The following ERBB4 variants were observed in gnomAD, a reference collection of about 807,000 sequenced individuals.
ERBB4 encodes the protein erb-b2 receptor tyrosine kinase 4, also known as receptor tyrosine-protein kinase erbB-4.
ERBB4 carries 42 observed loss-of-function variants against 158.0 expected under a neutral mutation model. The ratio of observed to expected loss-of-function variants is 0.27; its 90% CI spans 0.21 to 0.34. ERBB4 has a LOEUF of 0.34. Ranked by LOEUF, ERBB4 falls within the 10% of genes least tolerant of loss-of-function variation. ERBB4 has a pLI of 1.00. For synonymous variants in ERBB4, 583 were observed against 558.7 expected, an observed-to-expected ratio of 1.04 and a Z score of -0.61; for missense variants, 1,333 against 1,624.1, an observed-to-expected ratio of 0.82 and a Z score of 3.08.
intron 1 of ERBB4, among the ~76,000 whole-genome samples, chr2:212,327,887 A>T (rs1560029293): frequency 6.6e-6 from 1 of 151,584 alleles, no homozygotes; most frequent in Non-Finnish European, 1.5e-5. Context: ...TTTGAAAAAA[A>T]AATAAGGCAT....
At chr2:211,533,579 G>A (rs534288530) in intron 20 of ERBB4, among the ~76,000 whole-genome samples, 1 of 151,998 alleles carries the variant, frequency 6.6e-6, no homozygotes, top group South Asian at 2.1e-4. Flanking sequence ...ACAATCTTCT[G>A]CCTCAGAAAA....
At chr2:212,145,727 TAAAA>T (rs5838300) in intron 1 of ERBB4, among the ~76,000 whole-genome samples, 26 of 88,868 alleles carry the variant, frequency 2.9e-4, no homozygotes, top group Admixed American at 2.4e-3. Context: ...CAGCATGCAG[TAAAA>T]AAAAAAAAAA....
At chr2:212,156,343 C>A (rs1222629363) in intron 1 of ERBB4, among the ~76,000 whole-genome samples, 1 of 151,872 alleles carries the variant, frequency 6.6e-6, no homozygotes, top group African/African-American at 2.4e-5. Flanking sequence ...AGCAGGGGAG[C>A]TGAATTTGAT....
chr2:211,989,887 A>C (rs1227501939), intron 2 of ERBB4, among the ~76,000 whole-genome samples: 2 of 151,998 alleles, frequency 1.3e-5, no homozygotes, highest in Non-Finnish European at 2.9e-5. Context: ...TCATCCTATT[A>C]ATATGAATTT....
At chr2:211,961,201 T>C (rs1438316128) in intron 2 of ERBB4, among the ~76,000 whole-genome samples, 1 of 149,384 alleles carries the variant, frequency 6.7e-6, no homozygotes, top group East Asian at 1.9e-4. Context: ...GAGACAGTTC[T>C]GCATTGTTCC....
intron 1 of ERBB4, among the ~76,000 whole-genome samples, chr2:212,176,664 T>A (rs2081672621): frequency 2.6e-5 from 4 of 151,972 alleles, no homozygotes; most frequent in Admixed American, 1.3e-4. Context: ...TGTTTTTACC[T>A]TATTTACACT....
intron 2 of ERBB4, among the ~76,000 whole-genome samples, chr2:211,953,002 T>A (rs943092408): frequency 3.9e-5 from 6 of 152,094 alleles, no homozygotes; most frequent in Non-Finnish European, 8.8e-5. Context: ...TCAGAAATGG[T>A]TCCTTATACT....
At chr2:211,856,596 C>T (rs1399004447) in intron 3 of ERBB4, among the ~76,000 whole-genome samples, 1 of 151,908 alleles carries the variant, frequency 6.6e-6, no homozygotes, top group East Asian at 1.9e-4. Context: ...ACCGTGTTAG[C>T]CAGGATGGTC....
intron 3 of ERBB4, among the ~76,000 whole-genome samples, chr2:211,944,206 A>ATAT (rs2080609428): frequency 3.8e-5 from 4 of 104,036 alleles, no homozygotes; most frequent in African/African-American, 8.3e-5. Flanking sequence ...TATACTATAT[A>ATAT]TATATATACA....
chr2:212,493,187 T>G (rs1316795865), intron 1 of ERBB4, among the ~76,000 whole-genome samples: 2 of 150,952 alleles, frequency 1.3e-5, no homozygotes, highest in Non-Finnish European at 3.0e-5. Flanking sequence ...TAAAATGACT[T>G]TAGTTATTTA....
chr2:211,407,213 C>T (rs150328597), intron 25 of ERBB4, among the ~76,000 whole-genome samples: 2,264 of 152,216 alleles, frequency 0.015, 53 homozygotes, highest in African/African-American at 0.052. Context: ...ATTATTTACT[C>T]TTTGAGGAAT....
intron 20 of ERBB4, among the ~76,000 whole-genome samples, chr2:211,441,234 A>G (rs189037887): frequency 6.6e-6 from 1 of 152,294 alleles, no homozygotes; most frequent in Admixed American, 6.5e-5. Flanking sequence ...ACTAAGAGAA[A>G]GAGACTCCTG....
chr2:211,868,599 AT>A (rs2078266695), intron 3 of ERBB4, among the ~76,000 whole-genome samples: 1 of 152,116 alleles, frequency 6.6e-6, no homozygotes, highest in African/African-American at 2.4e-5. Flanking sequence ...TTTTTGTGTT[AT>A]TTTGTTTATT....
chr2:211,707,895 C>T (rs1049851626), intron 9 of ERBB4, among the ~76,000 whole-genome samples: 3 of 152,006 alleles, frequency 2.0e-5, no homozygotes, highest in African/African-American at 7.2e-5. Context: ...GCGTAACAAC[C>T]TCATTAAATT....
chr2:212,113,371 C>T (rs565324050), intron 2 of ERBB4, among the ~76,000 whole-genome samples: 22 of 151,854 alleles, frequency 1.4e-4, no homozygotes, highest in East Asian at 1.9e-4. Flanking sequence ...GTCAGGAGAT[C>T]GAGACCATCC....
chr2:212,283,388 C>G (rs2085832322), intron 1 of ERBB4, among the ~76,000 whole-genome samples: 1 of 151,980 alleles, frequency 6.6e-6, no homozygotes, highest in Non-Finnish European at 1.5e-5. Context: ...ATTAGTGCAC[C>G]TTATCCTTAC....
At chr2:212,454,900 A>G (rs1282424559) in intron 1 of ERBB4, among the ~76,000 whole-genome samples, 1 of 152,130 alleles carries the variant, frequency 6.6e-6, no homozygotes, top group Non-Finnish European at 1.5e-5. Context: ...TTCTTTTAAT[A>G]AAACTCAGGA....
At chr2:212,303,497 C>T (rs943425040) in intron 1 of ERBB4, among the ~76,000 whole-genome samples, 2 of 151,320 alleles carry the variant, frequency 1.3e-5, no homozygotes, top group East Asian at 1.9e-4. Context: ...ATTTATCTAG[C>T]ACGTGTTTAA....
At chr2:211,864,107 A>G (rs1487160137) in intron 3 of ERBB4, among the ~76,000 whole-genome samples, 1 of 152,110 alleles carries the variant, frequency 6.6e-6, no homozygotes, top group Admixed American at 6.5e-5. Flanking sequence ...CTCATCACCC[A>G]GTCTTGAAAA....
Sources: gnomAD v4.1 joint callset for allele counts (sites outside exome capture counted in the v4.1 genomes callset) on GRCh38, gnomAD v4.1.1 for gene constraint, MANE v1.5 for transcripts, NCBI Gene and HGNC (gene_info 2026-07-23, HGNC 2026-07-21) for gene names.